The following CNIH3 variants were observed in gnomAD, a reference collection of about 807,000 sequenced individuals.
CNIH3 encodes the protein protein cornichon homolog 3.
In CNIH3, 14 loss-of-function variants were observed where a neutral mutation model predicts 24.1. That is an observed-to-expected ratio of 0.58 (90% CI 0.38 to 0.91). The LOEUF is 0.91. Among genes scored for constraint, CNIH3 ranks in the 40% least tolerant of loss-of-function variants. CNIH3 has a pLI of 0.00. For synonymous variants in CNIH3, 68 were observed against 73.8 expected (o/e 0.92, Z 0.40); for missense variants, 178 against 196.8 (o/e 0.90, Z 0.57).
At chr1:224,644,483 G>A (rs1462449033) in intron 1 of CNIH3, among the ~76,000 whole-genome samples, 1 of 152,210 alleles carries the variant, frequency 6.6e-6, no homozygotes, top group African/African-American at 2.4e-5. Context: ...ACCAGGTGAT[G>A]TCTGAGGCGA....
intron 3 of CNIH3, among the ~76,000 whole-genome samples, chr1:224,688,568 A>G (rs1234467532): frequency 6.6e-6 from 1 of 152,202 alleles, no homozygotes; most frequent in African/African-American, 2.4e-5. Flanking sequence ...CTTCTTGGGA[A>G]CACTGGCTTA....
At chr1:224,632,333 G>A (rs1035288904) in intron 1 of CNIH3, among the ~76,000 whole-genome samples, 2 of 152,106 alleles carry the variant, frequency 1.3e-5, no homozygotes, top group Admixed American at 1.3e-4. Context: ...TGTGTCAATA[G>A]CTTCTAAATT....
chr1:224,500,162 C>T (rs1250525798), intron 1 of CNIH3, among the ~76,000 whole-genome samples: 3 of 151,640 alleles, frequency 2.0e-5, no homozygotes, highest in Non-Finnish European at 4.4e-5. Context: ...CACCATCAAG[C>T]CTGACTAATT....
chr1:224,443,785 T>G (rs971568785), intron 1 of CNIH3, among the ~76,000 whole-genome samples: 1 of 152,076 alleles, frequency 6.6e-6, no homozygotes, highest in South Asian at 2.1e-4. Flanking sequence ...TGGTTTGGGA[T>G]GTCCTCTGTT....
intron 1 of CNIH3, among the ~76,000 whole-genome samples, chr1:224,457,392 T>C (rs1252051655): frequency 6.6e-6 from 1 of 152,016 alleles, no homozygotes; most frequent in East Asian, 1.9e-4. Context: ...GCCTTGCAGC[T>C]GTAGGAGGAC....
chr1:224,563,346 T>G (rs1016562517), intron 3 of CNIH3, among the ~76,000 whole-genome samples: 2 of 152,152 alleles, frequency 1.3e-5, no homozygotes, highest in African/African-American at 4.8e-5. Context: ...ATCGTATCAC[T>G]GTCAGAGAAG....
chr1:224,640,997 G>A (rs933206087), intron 1 of CNIH3, among the ~76,000 whole-genome samples: 2 of 152,132 alleles, frequency 1.3e-5, no homozygotes, highest in African/African-American at 2.4e-5. Flanking sequence ...AGATTATACC[G>A]TATTCTTTTA....
chr1:224,555,888 G>T (rs1369526404), intron 3 of CNIH3, among the ~76,000 whole-genome samples: 2 of 152,160 alleles, frequency 1.3e-5, no homozygotes, highest in Admixed American at 6.5e-5. Flanking sequence ...CATCCTCCAT[G>T]GTTCCTTGTT....
chr1:224,617,403 G>A (rs1195689190), intron 1 of CNIH3, 148 bp downstream of exon 1: 2 of 902,802 alleles, frequency 2.2e-6, no homozygotes, highest in Non-Finnish European at 3.3e-6. Context: ...GAGGCAGTTC[G>A]CTGCATCCCG....
chr1:224,562,430 T>A (rs936466168), intron 3 of CNIH3, among the ~76,000 whole-genome samples: 1 of 152,136 alleles, frequency 6.6e-6, no homozygotes, highest in Non-Finnish European at 1.5e-5. Flanking sequence ...TCTTAGGCCA[T>A]GTGAAGGCTG....
chr1:224,551,307 G>T (rs963218856), intron 3 of CNIH3, among the ~76,000 whole-genome samples: 1 of 152,076 alleles, frequency 6.6e-6, no homozygotes, highest in Non-Finnish European at 1.5e-5. Flanking sequence ...CAATAGCAAA[G>T]ACTTGGAATC....
rs201633019 is a variant in CNIH3 at position 224,501,530 on chromosome 1, T to TATATAC, written n.204-14211_204-14210insATATAC. On this transcript the variant is annotated intron_variant and non_coding_transcript_variant, in intron 1 of 5. Coordinates refer to the CNIH3 transcript ENST00000471578. The stretch of plus-strand genomic sequence containing the variant: ...CTATATATATATATATATATATTTT[T>TATATAC]TTTTTTTAACCCCAGAGTTCATGTT... Among the ~76,000 whole-genome samples the TATATAC allele has an allele frequency of 3.8e-4, 57 of 149,488 alleles. 2 individuals are homozygous for TATATAC. The East Asian group carries it at 4.5e-3, about 12-fold the overall frequency.
intron 3 of CNIH3, among the ~76,000 whole-genome samples, chr1:224,723,231 G>A (rs1211096258): frequency 6.6e-6 from 1 of 152,200 alleles, no homozygotes; most frequent in East Asian, 1.9e-4. Flanking sequence ...GCTGGTTGCT[G>A]ATGTGTCAGG....
intron 1 of CNIH3, among the ~76,000 whole-genome samples, chr1:224,627,821 C>T (rs1455003508): frequency 2.6e-5 from 4 of 152,208 alleles, no homozygotes; most frequent in African/African-American, 9.6e-5. Flanking sequence ...TGCCTGCTTT[C>T]TGCCACTGCC....
intron 1 of CNIH3, among the ~76,000 whole-genome samples, chr1:224,675,390 A>T (rs1276688431): frequency 3.3e-5 from 5 of 152,236 alleles, no homozygotes; most frequent in Non-Finnish European, 2.9e-5. Context: ...AACCTCTGTG[A>T]TCTTAGAAGT....
downstream of CNIH3, among the ~76,000 whole-genome samples, chr1:224,591,086 A>G (rs1314318834): frequency 6.6e-6 from 1 of 152,190 alleles, no homozygotes; most frequent in Non-Finnish European, 1.5e-5. Context: ...TTCTAAGTAT[A>G]TTTCCAGTTT....
intron 1 of CNIH3, among the ~76,000 whole-genome samples, chr1:224,467,265 A>G (rs568776743): frequency 1.3e-5 from 2 of 152,114 alleles, no homozygotes; most frequent in South Asian, 4.2e-4. Flanking sequence ...GAACTGCTAG[A>G]CTCAAGCCAT....
intron 1 of CNIH3, among the ~76,000 whole-genome samples, chr1:224,477,905 T>C (rs1022935952): frequency 1.3e-5 from 2 of 152,196 alleles, no homozygotes; most frequent in Non-Finnish European, 2.9e-5. Flanking sequence ...TATTTCTCCT[T>C]TATGTTTGAA....
At chr1:224,731,281 A>T (rs1256231686) in intron 4 of CNIH3, among the ~76,000 whole-genome samples, 2 of 146,560 alleles carry the variant, frequency 1.4e-5, no homozygotes, top group African/African-American at 2.5e-5. Context: ...ATATCTTAAT[A>T]AAAAAAAAAG....
Sources: gnomAD v4.1 joint callset for allele counts (sites outside exome capture counted in the v4.1 genomes callset) on GRCh38, gnomAD v4.1.1 for gene constraint, MANE v1.5 for transcripts, NCBI Gene and HGNC (gene_info 2026-07-23, HGNC 2026-07-21) for gene names.